RETREG1: variants seen among roughly 807,000 people sequenced by gnomAD.
RETREG1 encodes family with sequence similarity 134 member B.
A neutral mutation model predicts 54.8 loss-of-function variants in RETREG1; 44 were observed. The ratio of observed to expected loss-of-function variants is 0.80; its 90% CI spans 0.63 to 1.03. RETREG1 has a LOEUF of 1.03. Ranked by LOEUF, RETREG1 falls within the 50% of genes least tolerant of loss-of-function variation. RETREG1 has a pLI of 0.00. For missense variants in RETREG1, 554 were observed against 605.1 expected (o/e 0.92, Z 0.89); for synonymous variants, 217 against 238.5 (o/e 0.91, Z 0.83).
Position 16,474,625 on chromosome 5 carries a change from T to A in RETREG1, c.*116A>T. On this transcript the variant is annotated 3_prime_UTR_variant, in exon 9 of 9. Transcript: ENST00000306320. The stretch of plus-strand genomic sequence containing the variant: ...ACTGCAGGAGGGAAAATAAAACAAA[T>A]CTAAAGTAATCATTAAAGCTTACAG... The A allele has an allele frequency of 7.7e-7, 1 of 1,293,122 alleles. No homozygotes were observed. The highest frequency in any genetic ancestry group is 1.5e-5 in the African/African-American group (1 of 66,470). The allele number at this position is 1,293,122 out of a possible 1,614,324, so 80.1% of individuals were successfully genotyped here. A position where few individuals can be genotyped will look rare whatever the true frequency, so the allele number is the denominator to read the frequency against.
chr5:16,567,681 G>T (rs1280296146), intron 2 of RETREG1, among the ~76,000 whole-genome samples: 1 of 152,118 alleles, frequency 6.6e-6, no homozygotes, highest in Non-Finnish European at 1.5e-5. Flanking sequence ...TGGGGGGCAG[G>T]CACGCTGACT....
intron 3 of RETREG1, among the ~76,000 whole-genome samples, chr5:16,520,076 G>A (rs906552278): frequency 5.3e-5 from 8 of 152,154 alleles, no homozygotes; most frequent in African/African-American, 1.7e-4. Context: ...TGGACAGAGC[G>A]GACTGCAGCC....
At chr5:16,590,770 T>G (rs967238330) in intron 1 of RETREG1, among the ~76,000 whole-genome samples, 1 of 151,350 alleles carries the variant, frequency 6.6e-6, no homozygotes, top group Non-Finnish European at 1.5e-5. Flanking sequence ...AAACCCCTAC[T>G]CCCCGGTGGG....
Position 16,503,426 on chromosome 5 carries a change from T to C in RETREG1, c.459-19954A>G, listed in dbSNP as rs138628871. On this transcript the variant is annotated intron_variant, in intron 3 of 8. Coordinates refer to ENST00000306320, the MANE Select transcript of RETREG1 (RefSeq NM_001034850.3). ...GCTCACACCTGTAATCCCAACACTT[T>C]GGGAGCCCGAGGCGGGTGGATCACG... Among the ~76,000 whole-genome samples, 1,097 of 152,148 alleles carry C rather than the reference T, an allele frequency of 7.2e-3. 13 individuals are homozygous for C. Among genetic ancestry groups the C allele is most frequent in the African/African-American group, 0.025 (1,051 of 41,500 alleles).
intron 1 of RETREG1, among the ~76,000 whole-genome samples, chr5:16,577,957 C>T (rs1321638933): frequency 1.3e-5 from 2 of 152,138 alleles, no homozygotes; most frequent in Admixed American, 6.5e-5. Flanking sequence ...TATAAATTAC[C>T]GAGTGTCGAG....
At chr5:16,521,144 C>T (rs529131248) in intron 3 of RETREG1, among the ~76,000 whole-genome samples, 8 of 152,282 alleles carry the variant, frequency 5.3e-5, no homozygotes, top group Admixed American at 1.3e-4. Flanking sequence ...GGTTTTATTC[C>T]TGCTTATTTC....
At chr5:16,610,285 C>T (rs1269287020) in intron 1 of RETREG1, among the ~76,000 whole-genome samples, 1 of 152,150 alleles carries the variant, frequency 6.6e-6, no homozygotes, top group African/African-American at 2.4e-5. Context: ...CCAGGGGTGC[C>T]CCTGCGTGGA....
intron 1 of RETREG1, among the ~76,000 whole-genome samples, chr5:16,610,872 G>C (rs1318766765): frequency 6.6e-6 from 1 of 152,048 alleles, no homozygotes; most frequent in Non-Finnish European, 1.5e-5. Context: ...TCTAGAACTA[G>C]AAATACCATT....
rs1579698107 is a variant in RETREG1 at position 16,573,775 on chromosome 5, A to T, written c.321-1673T>A. Among the ~76,000 whole-genome samples, 3 of 110,482 alleles carry T rather than the reference A, an allele frequency of 2.7e-5. No individual in the cohort carries two copies. In the East Asian group the frequency reaches 8.7e-4, roughly 32 times the overall value. 72.5% of individuals were successfully genotyped at this position (110,482 alleles called of 152,430 possible). A position where few individuals can be genotyped will look rare whatever the true frequency, so the allele number is the denominator to read the frequency against. On this transcript the variant is annotated intron_variant, in intron 1 of 8. Transcript: ENST00000306320. ...TTTTTTTTTTTTGAGATGGAGTTTC[A>T]CTCTTGCCACCCAGGCTGGAGTGCA...
chr5:16,486,161 C>T (rs114478877), intron 3 of RETREG1, among the ~76,000 whole-genome samples: 3,657 of 152,078 alleles, frequency 0.024, 149 homozygotes, highest in African/African-American at 0.084. Flanking sequence ...TTGTGTACAA[C>T]CTGAAAATAA....
chr5:16,492,194 G>A (rs967539467), intron 3 of RETREG1, among the ~76,000 whole-genome samples: 8 of 131,246 alleles, frequency 6.1e-5, no homozygotes, highest in Admixed American at 2.4e-4. Context: ...TTCAGACAGT[G>A]TTGTCCTCTC....
intron 5 of RETREG1, among the ~76,000 whole-genome samples, chr5:16,480,451 C>CT (rs1160821368): frequency 6.6e-6 from 1 of 151,932 alleles, no homozygotes; most frequent in Admixed American, 6.6e-5. Context: ...TGTCTTTGTA[C>CT]TTTCATTTCT....
chr5:16,553,457 A>C (rs898362421), intron 3 of RETREG1, among the ~76,000 whole-genome samples: 1 of 152,034 alleles, frequency 6.6e-6, no homozygotes, highest in Non-Finnish European at 1.5e-5. Context: ...CTTGGTTTAA[A>C]TATATACATG....
chr5:16,585,238 G>C lies in RETREG1; in HGVS notation c.321-13136C>G, dbSNP rs557678262. 1.3e-5 allele frequency among the ~76,000 whole-genome samples: 2 copies of C among 152,258 alleles called. No individual in the cohort carries two copies. Among genetic ancestry groups the C allele is most frequent in the South Asian group, 2.1e-4 (1 of 4,828 alleles). On this transcript the variant is annotated intron_variant, in intron 1 of 8. Transcript: ENST00000306320. The surrounding 1 kb of genome is among the most constrained non-coding windows in gnomAD (Gnocchi z 4.5). ...CAGGGAATGTGCCCAGGTCAGCAAGGCATGGTGGACAAACAGATAAGACAG... is the reference window on the plus strand; with the variant it reads ...CAGGGAATGTGCCCAGGTCAGCAAGCCATGGTGGACAAACAGATAAGACAG...
At chr5:16,616,476 G>T in intron 1 of RETREG1, 176 bp downstream of exon 1, 1 of 1,139,848 alleles carries the variant, frequency 8.8e-7, no homozygotes. Context: ...TGCGTCCGGA[G>T]GAAAGTTGCG....
At chr5:16,589,989 G>A (rs1473705657) in intron 1 of RETREG1, among the ~76,000 whole-genome samples, 3 of 152,206 alleles carry the variant, frequency 2.0e-5, no homozygotes, top group African/African-American at 2.4e-5. Context: ...AACTAAGAGT[G>A]GAAGAGGATG....
In RETREG1 at chr5:16,585,371, G is replaced by A. The variant is rs1366793418; in HGVS notation, c.321-13269C>T. On this transcript the variant is annotated intron_variant, in intron 1 of 8. Transcript: ENST00000306320. This position sits in a 1 kb window ranked among gnomAD's most constrained non-coding sequence, Gnocchi z 4.5. ...GGAACCAAGGCCATCTGAGGTCAAG[G>A]CAAAGAGAAACTGAGCATGCTCTAC... 2.0e-5 allele frequency among the ~76,000 whole-genome samples: 3 copies of A among 152,184 alleles called. No individual in the cohort carries two copies. The highest frequency in any genetic ancestry group is 7.2e-5 in the African/African-American group (3 of 41,446).
chr5:16,517,032 G>A lies in RETREG1; in HGVS notation c.459-33560C>T, dbSNP rs930912703. ...GCCTGCAGGGGGAACAATACTGAGT[G>A]AGGAAAAGTAATCCCTAAGGAGCAT... is the stretch of plus-strand genomic sequence containing the variant. On this transcript the variant is annotated intron_variant, in intron 3 of 8. Transcript: ENST00000306320. 5.9e-5 allele frequency among the ~76,000 whole-genome samples: 9 copies of A among 152,316 alleles called. No homozygotes were observed. The East Asian group carries it at 1.7e-3, about 29-fold the overall frequency.
intron 3 of RETREG1, among the ~76,000 whole-genome samples, chr5:16,507,312 G>C (rs1739998878): frequency 6.6e-6 from 1 of 152,198 alleles, no homozygotes; most frequent in Non-Finnish European, 1.5e-5. Flanking sequence ...TCTATGAAGA[G>C]AGCTGGTGGG....
Sources: allele counts gnomAD v4.1 joint callset (sites outside exome capture counted in the v4.1 genomes callset), GRCh38; gene constraint gnomAD v4.1.1; non-coding constraint Gnocchi (gnomAD v3.1); transcripts MANE v1.5; gene names NCBI Gene and HGNC (gene_info 2026-07-23, HGNC 2026-07-21).